CNTN5: variants seen among roughly 807,000 people sequenced by gnomAD.
The protein encoded by CNTN5 is contactin-5.
In CNTN5, 77 loss-of-function variants were observed where a neutral mutation model predicts 129.1. The ratio of observed to expected loss-of-function variants is 0.60; its 90% confidence interval spans 0.50 to 0.72. The LOEUF (loss-of-function observed/expected upper bound fraction) is 0.72, where lower values mean the gene tolerates loss of function less well. Among genes scored for constraint, CNTN5 ranks in the 30% least tolerant of loss-of-function variants. The pLI, the probability that CNTN5 is intolerant of heterozygous loss-of-function variation, is 0.00. For synonymous variants in CNTN5, 509 were observed against 465.6 expected (o/e 1.09, Z -1.20); for missense variants, 1,478 against 1,328.8 (o/e 1.11, Z -1.75).
chr11:100,155,130 C>T (rs1947195684), intron 13 of CNTN5, among the ~76,000 whole-genome samples: 1 of 152,118 alleles, frequency 6.6e-6, no homozygotes, highest in Non-Finnish European at 1.5e-5. Flanking sequence ...CTTAGGTTGT[C>T]TTCTAGGGTT....
At chr11:99,115,406 G>C (rs542352972) in intron 1 of CNTN5, among the ~76,000 whole-genome samples, 2 of 152,026 alleles carry the variant, frequency 1.3e-5, no homozygotes, top group Non-Finnish European at 2.9e-5. Context: ...TTAAAATTTA[G>C]AGGTAAAATA....
chr11:99,758,864 G>C (rs879646090), intron 3 of CNTN5, among the ~76,000 whole-genome samples: 12 of 151,976 alleles, frequency 7.9e-5, no homozygotes, highest in Non-Finnish European at 1.5e-4. Context: ...GCAGTATTGA[G>C]AAAAACATGT....
chr11:99,202,260 T>C (rs1399832870), intron 1 of CNTN5, among the ~76,000 whole-genome samples: 1 of 152,188 alleles, frequency 6.6e-6, no homozygotes, highest in South Asian at 2.1e-4. Flanking sequence ...TTAACTCAAT[T>C]AACATTTACT....
chr11:99,981,724 A>G (rs1405628595), intron 8 of CNTN5, among the ~76,000 whole-genome samples: 2 of 152,174 alleles, frequency 1.3e-5, no homozygotes, highest in African/African-American at 2.4e-5. Flanking sequence ...GTCCTGAGTA[A>G]TTATAAATTC....
intron 13 of CNTN5, among the ~76,000 whole-genome samples, chr11:100,187,801 AAAATGT>A: frequency 6.6e-6 from 1 of 152,318 alleles, no homozygotes; most frequent in Admixed American, 6.5e-5. Context: ...AAATGGATTA[AAAATGT>A]AAATGTAAGA....
intron 2 of CNTN5, among the ~76,000 whole-genome samples, chr11:99,363,805 A>C (rs986965704): frequency 6.6e-6 from 1 of 152,164 alleles, no homozygotes; most frequent in Non-Finnish European, 1.5e-5. Context: ...GTTATAAGTA[A>C]GCAATAATCT....
At chr11:100,165,979 A>G (rs1016205371) in intron 13 of CNTN5, among the ~76,000 whole-genome samples, 2 of 151,720 alleles carry the variant, frequency 1.3e-5, no homozygotes, top group Non-Finnish European at 2.9e-5. Flanking sequence ...TAAAGTGTGT[A>G]TCACTATGAT....
At chr11:99,721,766 G>C (rs372763356) in intron 3 of CNTN5, among the ~76,000 whole-genome samples, 48 of 152,098 alleles carry the variant, frequency 3.2e-4, no homozygotes, top group African/African-American at 1.1e-3. Context: ...GCATTGATAA[G>C]GAACTTGAAC....
intron 2 of CNTN5, among the ~76,000 whole-genome samples, chr11:99,482,012 G>T (rs1323238192): frequency 6.6e-6 from 1 of 152,068 alleles, no homozygotes; most frequent in Non-Finnish European, 1.5e-5. Flanking sequence ...ACCTTGCTAA[G>T]GTTCAACATC....
At chr11:100,038,158 G>A (rs1257226556) in intron 9 of CNTN5, among the ~76,000 whole-genome samples, 3 of 152,112 alleles carry the variant, frequency 2.0e-5, no homozygotes, top group African/African-American at 7.2e-5. Context: ...AGAGATTCTG[G>A]TATGTTGTGT....
intron 2 of CNTN5, among the ~76,000 whole-genome samples, chr11:99,518,673 T>C (rs1317280040): frequency 6.6e-6 from 1 of 152,114 alleles, no homozygotes; most frequent in Non-Finnish European, 1.5e-5. Context: ...TCTTCCATTG[T>C]TTCTTATTAA....
At chr11:99,145,800 G>C (rs1047598544) in intron 1 of CNTN5, among the ~76,000 whole-genome samples, 1 of 152,084 alleles carries the variant, frequency 6.6e-6, no homozygotes, top group Non-Finnish European at 1.5e-5. Flanking sequence ...ATGTGACTTT[G>C]AGAAAGTTAC....
intron 3 of CNTN5, among the ~76,000 whole-genome samples, chr11:99,631,788 C>G (rs760443029): frequency 4.6e-5 from 7 of 152,060 alleles, no homozygotes; most frequent in Non-Finnish European, 8.8e-5. Context: ...TAACTGGAAT[C>G]TAGTAGTCTC....
chr11:99,159,757 G>A (rs1249885433), intron 1 of CNTN5, among the ~76,000 whole-genome samples: 1 of 152,084 alleles, frequency 6.6e-6, no homozygotes, highest in Non-Finnish European at 1.5e-5. Context: ...AATAAATTCA[G>A]CTCTACTGGT....
intron 24 of CNTN5, among the ~76,000 whole-genome samples, chr11:100,352,687 T>G (rs1952443715): frequency 6.6e-6 from 1 of 151,794 alleles, no homozygotes; most frequent in Non-Finnish European, 1.5e-5. Context: ...AATTTAAATT[T>G]TATTGTGGTC....
chr11:99,794,328 A>G (rs112573582), intron 3 of CNTN5, among the ~76,000 whole-genome samples: 6 of 151,870 alleles, frequency 4.0e-5, no homozygotes, highest in African/African-American at 1.2e-4. Context: ...ACTGCATGTG[A>G]GATGGGTCTT....
chr11:99,164,603 A>G (rs1183475148), intron 1 of CNTN5, among the ~76,000 whole-genome samples: 1 of 152,162 alleles, frequency 6.6e-6, no homozygotes, highest in Admixed American at 6.5e-5. Flanking sequence ...TCAGAGTAAA[A>G]TTATTTTGAG....
intron 16 of CNTN5, among the ~76,000 whole-genome samples, chr11:100,229,301 G>C (rs1004376885): frequency 6.6e-6 from 1 of 152,072 alleles, no homozygotes; most frequent in Non-Finnish European, 1.5e-5. Flanking sequence ...TTGAATTCCA[G>C]CCAAAGCCTT....
At chr11:99,409,829 A>G (rs1354922495) in intron 2 of CNTN5, among the ~76,000 whole-genome samples, 1 of 151,758 alleles carries the variant, frequency 6.6e-6, no homozygotes, top group Non-Finnish European at 1.5e-5. Flanking sequence ...TGTAAGAATT[A>G]TGTGACTACT....
Sources: allele counts gnomAD v4.1 joint callset (sites outside exome capture counted in the v4.1 genomes callset), GRCh38; gene constraint gnomAD v4.1.1; transcripts MANE v1.5; gene names NCBI Gene and HGNC (gene_info 2026-07-23, HGNC 2026-07-21).